NLRP11: variants seen among roughly 807,000 people sequenced by gnomAD.
NLRP11 encodes NACHT, LRR and PYD domains-containing protein 11.
In NLRP11, 53 loss-of-function variants were observed where a neutral mutation model predicts 79.3. That is an observed-to-expected ratio of 0.67 (90% confidence interval 0.54 to 0.84). The LOEUF is 0.84. Among genes scored for constraint, NLRP11 ranks in the 40% least tolerant of loss-of-function variants. The pLI is 0.00. For missense variants in NLRP11, 1,264 were observed against 1,255.0 expected (o/e 1.01, Z -0.11); for synonymous variants, 518 against 462.6 (o/e 1.12, Z -1.54).
intron 2 of NLRP11, among the ~76,000 whole-genome samples, chr19:55,813,408 C>A (rs1372077998): frequency 1.3e-5 from 2 of 152,144 alleles, no homozygotes; most frequent in African/African-American, 2.4e-5. Flanking sequence ...TCTTTCCCCA[C>A]TGAAAATTTC....
At chr19:55,836,252 A>C (rs1568650911), upstream of NLRP11, 1 of 152,104 alleles carries the variant, frequency 6.6e-6, no homozygotes, top group Admixed American at 6.5e-5. Flanking sequence ...AAACAGAGTC[A>C]CCCCAACTCT....
At position 55,789,985 on chromosome 19, in the gene NLRP11, C is replaced by T. The variant is rs564299247; in HGVS notation, c.2514-586G>A. Reference sequence around the variant, plus strand: ...TTCATTGCCTCACCACGTTGGCCTTCGTGTTGATTCTCGAGCACAGTTGGC... The same window carrying T: ...TTCATTGCCTCACCACGTTGGCCTTTGTGTTGATTCTCGAGCACAGTTGGC... On this transcript the variant is annotated intron_variant, in intron 7 of 9. Transcript: ENST00000589093. Among the ~76,000 whole-genome samples, 7 of 152,238 alleles carry T rather than the reference C, an allele frequency of 4.6e-5. 1 individual carries two copies. Among genetic ancestry groups the T allele is most frequent in the African/African-American group, 1.4e-4 (6 of 41,540 alleles).
intron 4 of NLRP11, among the ~76,000 whole-genome samples, chr19:55,805,706 A>C (rs141192836): frequency 0.025 from 3,763 of 151,914 alleles, 59 homozygotes; most frequent in South Asian, 0.07. Context: ...CACCCGGCTA[A>C]TTTTTGTGTT....
intron 9 of NLRP11, 67 bp downstream of exon 9, chr19:55,788,740 T>TAA: frequency 1.4e-6 from 1 of 715,646 alleles, no homozygotes; most frequent in African/African-American, 5.9e-5. Flanking sequence ...ACTCTGTCTC[T>TAA]CAAAAAAAAA....
At chr19:55,815,205 T>C (rs1410001303) in intron 2 of NLRP11, among the ~76,000 whole-genome samples, 1 of 152,218 alleles carries the variant, frequency 6.6e-6, no homozygotes, top group Non-Finnish European at 1.5e-5. Context: ...ATTAAGCTTT[T>C]AAACTTTAAG....
intron 5 of NLRP11, among the ~76,000 whole-genome samples, chr19:55,798,554 T>G (rs1979165082): frequency 6.6e-6 from 1 of 152,218 alleles, no homozygotes; most frequent in East Asian, 1.9e-4. Context: ...TAAAAATATC[T>G]ATGAGGTACT....
intron 1 of NLRP11, 143 bp from the exon 2 acceptor site, chr19:55,818,379 G>A (rs189922010): frequency 3.6e-6 from 2 of 560,876 alleles, no homozygotes; most frequent in African/African-American, 3.8e-5. Context: ...CTTTCTGTCT[G>A]GGTCAATGGC....
chr19:55,828,086 A>G (rs547797357), intron 1 of NLRP11, among the ~76,000 whole-genome samples: 4,641 of 149,742 alleles, frequency 0.031, 148 homozygotes, highest in African/African-American at 0.081. Context: ...CTATGCAGCC[A>G]TAAAAAATGA....
intron 3 of NLRP11, 32 bp from the exon 4 acceptor site, chr19:55,808,046 G>A: frequency 6.7e-7 from 1 of 1,490,910 alleles, no homozygotes; most frequent in Admixed American, 2.0e-5. Context: ...TTTTCCAATG[G>A]AATCGATTCA....
intron 2 of NLRP11, among the ~76,000 whole-genome samples, chr19:55,817,174 A>G (rs201815788): frequency 2.3e-4 from 35 of 151,924 alleles, no homozygotes; most frequent in Non-Finnish European, 4.7e-4. Context: ...ATAAAAAAAA[A>G]TTTAAAAAAT....
chr19:55,788,089 G>A (rs944288084), intron 9 of NLRP11, among the ~76,000 whole-genome samples: 2 of 152,060 alleles, frequency 1.3e-5, no homozygotes, highest in Non-Finnish European at 2.9e-5. Flanking sequence ...TAACATACTT[G>A]GCAACAGTTA....
intron 6 of NLRP11, among the ~76,000 whole-genome samples, chr19:55,794,639 G>A (rs887533594): frequency 1.3e-5 from 2 of 151,894 alleles, no homozygotes; most frequent in Non-Finnish European, 2.9e-5. Context: ...GGGTGCCTGT[G>A]GTCCCAGCTA....
chr19:55,833,345 T>C (rs1321473019), upstream of NLRP11, among the ~76,000 whole-genome samples: 4 of 150,622 alleles, frequency 2.7e-5, no homozygotes, highest in South Asian at 6.4e-4. Flanking sequence ...CTGAAATGTA[T>C]GTGGAAAATA....
At chr19:55,791,202 T>C (rs1017852560) in intron 7 of NLRP11, among the ~76,000 whole-genome samples, 11 of 152,172 alleles carry the variant, frequency 7.2e-5, no homozygotes, top group Admixed American at 6.5e-4. Context: ...TAGCCTGTTA[T>C]AGAAAAAGGT....
intron 2 of NLRP11, among the ~76,000 whole-genome samples, chr19:55,816,297 A>G (rs1219273248): frequency 2.0e-5 from 3 of 152,246 alleles, no homozygotes; most frequent in Non-Finnish European, 4.4e-5. Context: ...GAAGGTCATT[A>G]TGTAATACAG....
At chr19:55,787,487 T>G (rs56919538) in intron 9 of NLRP11, among the ~76,000 whole-genome samples, 2 of 152,034 alleles carry the variant, frequency 1.3e-5, no homozygotes, top group Admixed American at 1.3e-4. Flanking sequence ...CAGGTATGCA[T>G]CACTACGCCC....
chr19:55,820,207 T>C (rs2122882914), intron 1 of NLRP11, among the ~76,000 whole-genome samples: 1 of 152,234 alleles, frequency 6.6e-6, no homozygotes, highest in Non-Finnish European at 1.5e-5. Flanking sequence ...AAATGCATGG[T>C]TGAGCTGGCA....
exon 3 of NLRP11, chr19:55,808,885 G>T: frequency 6.2e-7 from 1 of 1,614,044 alleles, no homozygotes; most frequent in Non-Finnish European, 8.5e-7. Flanking sequence ...TCATATCCTT[G>T]TCTGATTGAA....
chr19:55,790,827 C>T (rs184711312), intron 7 of NLRP11, among the ~76,000 whole-genome samples: 1 of 152,210 alleles, frequency 6.6e-6, no homozygotes, highest in Non-Finnish European at 1.5e-5. Flanking sequence ...GATGTGCCAA[C>T]CACATCCATG....
Sources: gnomAD v4.1 joint callset for allele counts (sites outside exome capture counted in the v4.1 genomes callset) on GRCh38, gnomAD v4.1.1 for gene constraint, MANE v1.5 for transcripts, NCBI Gene and HGNC (gene_info 2026-07-23, HGNC 2026-07-21) for gene names.